SLC44A1: variants seen among roughly 807,000 people sequenced by gnomAD.
SLC44A1 encodes the protein choline transporter-like protein 1.
Under a neutral mutation model 79.3 loss-of-function variants are expected in SLC44A1, and 26 were observed. The observed-to-expected ratio is 0.33, with a 90% confidence interval of 0.24 to 0.46. The LOEUF is 0.46. Among genes scored for constraint, SLC44A1 ranks in the 20% least tolerant of loss-of-function variants. The probability of loss-of-function intolerance (pLI) is 1.00; values close to 1 mark genes in which losing one functional copy is unlikely to be tolerated. For missense variants in SLC44A1, 688 were observed against 798.1 expected (o/e 0.86, Z 1.66); for synonymous variants, 263 against 286.2 (o/e 0.92, Z 0.82).
At chr9:105,343,066 A>G (rs1353476438) in intron 4 of SLC44A1, among the ~76,000 whole-genome samples, 1 of 151,922 alleles carries the variant, frequency 6.6e-6, no homozygotes, top group Non-Finnish European at 1.5e-5. Flanking sequence ...CAGTGCTAAT[A>G]GTTCACATGG....
intron 3 of SLC44A1, among the ~76,000 whole-genome samples, chr9:105,313,361 A>G (rs1355657617): frequency 6.6e-6 from 1 of 152,252 alleles, no homozygotes; most frequent in Admixed American, 6.5e-5. Context: ...GCTTAAAACA[A>G]GACACATCTG....
At chr9:105,249,176 TAAA>T (rs973581510) in intron 1 of SLC44A1, among the ~76,000 whole-genome samples, 7 of 152,228 alleles carry the variant, frequency 4.6e-5, no homozygotes, top group Non-Finnish European at 8.8e-5. Flanking sequence ...TTGGGAGTAA[TAAA>T]AAACAATCAG....
At chr9:105,360,073 C>A (rs541661846) in intron 7 of SLC44A1, among the ~76,000 whole-genome samples, 18 of 152,262 alleles carry the variant, frequency 1.2e-4, no homozygotes, top group African/African-American at 4.3e-4. Context: ...CCGCAGCTAC[C>A]TCTCTGCCCA....
At chr9:105,432,187 G>T (rs965008135) in intron 15 of SLC44A1, among the ~76,000 whole-genome samples, 3 of 152,164 alleles carry the variant, frequency 2.0e-5, no homozygotes, top group African/African-American at 7.2e-5. Flanking sequence ...CTCTCAAACC[G>T]TTGGGATTAC....
chr9:105,372,124 A>C (rs940877225), intron 12 of SLC44A1, among the ~76,000 whole-genome samples: 2 of 152,226 alleles, frequency 1.3e-5, no homozygotes, highest in Non-Finnish European at 2.9e-5. Flanking sequence ...AAGCAGGTGG[A>C]TGCTAACAGA....
downstream of SLC44A1, among the ~76,000 whole-genome samples, chr9:105,400,507 G>GAAAA (rs1222135547): frequency 6.6e-6 from 1 of 151,564 alleles, no homozygotes; most frequent in African/African-American, 2.4e-5. Context: ...AAAAGAAAAA[G>GAAAA]AAAATTGTTT....
chr9:105,382,329 A>G (rs934031739), intron 13 of SLC44A1, among the ~76,000 whole-genome samples: 1 of 152,226 alleles, frequency 6.6e-6, no homozygotes, highest in South Asian at 2.1e-4. Context: ...AAAATGCTGC[A>G]TGTGAAATAA....
At chr9:105,332,679 A>G (rs1826789639) in intron 3 of SLC44A1, among the ~76,000 whole-genome samples, 1 of 152,134 alleles carries the variant, frequency 6.6e-6, no homozygotes. Flanking sequence ...TCTCAAGGGT[A>G]ATGACCTTAC....
chr9:105,271,422 T>C (rs1588717930), intron 1 of SLC44A1, among the ~76,000 whole-genome samples: 1 of 152,250 alleles, frequency 6.6e-6, no homozygotes, highest in Admixed American at 6.5e-5. Flanking sequence ...GGAAAAGGAA[T>C]GGAATTTGGT....
At chr9:105,309,574 C>T (rs1210525567) in intron 2 of SLC44A1, 150 bp from the exon 3 acceptor site, 2 of 658,546 alleles carry the variant, frequency 3.0e-6, no homozygotes, top group Non-Finnish European at 5.1e-6. Flanking sequence ...TATGTGCAAT[C>T]CAAGGAAAAC....
chr9:105,434,008 A>T (rs1437311637), intron 15 of SLC44A1, among the ~76,000 whole-genome samples: 1 of 152,216 alleles, frequency 6.6e-6, no homozygotes, highest in Non-Finnish European at 1.5e-5. Flanking sequence ...GTAAATTACT[A>T]AACTCAGATA....
intron 1 of SLC44A1, among the ~76,000 whole-genome samples, chr9:105,261,959 AT>A (rs1829852350): frequency 6.6e-6 from 1 of 151,222 alleles, no homozygotes; most frequent in Non-Finnish European, 1.5e-5. Context: ...TTATTTTTTT[AT>A]TTTTAGTTGA....
At chr9:105,360,641 T>C (rs1827751935) in intron 7 of SLC44A1, among the ~76,000 whole-genome samples, 1 of 152,244 alleles carries the variant, frequency 6.6e-6, no homozygotes, top group South Asian at 2.1e-4. Context: ...CACCCACCAC[T>C]ATCAGAGATT....
chr9:105,313,378 CT>C (rs1831231631), intron 3 of SLC44A1, among the ~76,000 whole-genome samples: 1 of 152,208 alleles, frequency 6.6e-6, no homozygotes, highest in Non-Finnish European at 1.5e-5. Context: ...TCTGTGATCA[CT>C]TTCTGTAGGT....
intron 3 of SLC44A1, among the ~76,000 whole-genome samples, chr9:105,328,875 C>T (rs1352062638): frequency 6.6e-6 from 1 of 152,180 alleles, no homozygotes; most frequent in Non-Finnish European, 1.5e-5. Flanking sequence ...ACACCCCTGT[C>T]AGCAACCTCA....
At chr9:105,298,455 C>T (rs543083576) in intron 1 of SLC44A1, among the ~76,000 whole-genome samples, 17 of 152,230 alleles carry the variant, frequency 1.1e-4, no homozygotes, top group African/African-American at 3.6e-4. Flanking sequence ...TGAATTCAAG[C>T]GGTTCTCCTG....
chr9:105,430,926 C>G (rs904569796), intron 15 of SLC44A1, among the ~76,000 whole-genome samples: 12 of 152,184 alleles, frequency 7.9e-5, no homozygotes, highest in African/African-American at 2.9e-4. Flanking sequence ...ACATCCTCGA[C>G]AAGTGTAAGT....
chr9:105,268,687 A>G (rs1412659891), intron 1 of SLC44A1, among the ~76,000 whole-genome samples: 1 of 152,080 alleles, frequency 6.6e-6, no homozygotes, highest in Non-Finnish European at 1.5e-5. Flanking sequence ...TTTAGTAGAG[A>G]CAAGGTTTCA....
chr9:105,324,785 C>T (rs1171305333), intron 3 of SLC44A1, among the ~76,000 whole-genome samples: 2 of 152,032 alleles, frequency 1.3e-5, no homozygotes, highest in African/African-American at 4.8e-5. Flanking sequence ...TCAAGAAATG[C>T]AAATCAAAAC....
Sources: gnomAD v4.1 joint callset for allele counts (sites outside exome capture counted in the v4.1 genomes callset) on GRCh38, gnomAD v4.1.1 for gene constraint, MANE v1.5 for transcripts, NCBI Gene and HGNC (gene_info 2026-07-23, HGNC 2026-07-21) for gene names.